The following GPHN variants were observed in gnomAD, a reference collection of about 807,000 sequenced individuals.
GPHN encodes the protein gephyrin.
GPHN carries 17 observed loss-of-function variants against 95.5 expected under a neutral mutation model. That is an observed-to-expected ratio of 0.18 (90% CI 0.12 to 0.27). The LOEUF (loss-of-function observed/expected upper bound fraction) is 0.27. Among genes scored for constraint, GPHN ranks in the 10% least tolerant of loss-of-function variants. The pLI is 1.00. For synonymous variants in GPHN, 320 were observed against 322.5 expected (o/e 0.99, Z 0.08); for missense variants, 660 against 978.1 (o/e 0.67, Z 4.34).
At chr14:67,294,856 T>A in the GPHN span, 1 of 152,108 alleles carries the variant, frequency 6.6e-6, no homozygotes, top group Admixed American at 6.5e-5. Flanking sequence ...GTACTTTTAG[T>A]AGAGATGGGG....
chr14:66,743,642 TGAGGCGGGAGAATGGCGTGGAAACGG>T (rs1383149137), intron 2 of GPHN, among the ~76,000 whole-genome samples: 2 of 152,086 alleles, frequency 1.3e-5, no homozygotes, highest in Admixed American at 1.3e-4. Flanking sequence ...CTTGGGAGGC[TGAGGCGGGAGAATGGCGTGGAAACGG>T]GAGGCGGTGC....
At chr14:67,680,806 A>G in the GPHN span, among the ~76,000 whole-genome samples, 1 of 152,226 alleles carries the variant, frequency 6.6e-6, no homozygotes. Flanking sequence ...TGGTCACAGT[A>G]TTGACATTTC....
intron 1 of GPHN, among the ~76,000 whole-genome samples, chr14:66,663,508 G>A (rs2065776102): frequency 6.6e-6 from 1 of 152,122 alleles, no homozygotes; most frequent in Non-Finnish European, 1.5e-5. Context: ...ATCGTTACCA[G>A]CCACTACAAA....
At chr14:66,844,780 A>T (rs2062248904) in intron 4 of GPHN, among the ~76,000 whole-genome samples, 1 of 152,116 alleles carries the variant, frequency 6.6e-6, no homozygotes, top group Admixed American at 6.6e-5. Flanking sequence ...CAATTCAGTG[A>T]TATTAGCACA....
the GPHN span, among the ~76,000 whole-genome samples, chr14:67,444,396 G>T: frequency 6.6e-6 from 1 of 152,204 alleles, no homozygotes; most frequent in Non-Finnish European, 1.5e-5. Flanking sequence ...TAAGTGTGAT[G>T]AAGTATGCAT....
chr14:67,124,274 T>C (rs1217025264), intron 17 of GPHN, among the ~76,000 whole-genome samples: 1 of 152,072 alleles, frequency 6.6e-6, no homozygotes, highest in East Asian at 1.9e-4. Flanking sequence ...GGGGTAGTGG[T>C]GCGCACCTGT....
chr14:66,839,098 T>C (rs1342947421), intron 4 of GPHN, among the ~76,000 whole-genome samples: 1 of 152,230 alleles, frequency 6.6e-6, no homozygotes, highest in Non-Finnish European at 1.5e-5. Flanking sequence ...TATTTATTAA[T>C]GGCACATAGA....
At chr14:67,348,359 C>A in the GPHN span, among the ~76,000 whole-genome samples, 112 of 152,172 alleles carry the variant, frequency 7.4e-4, no homozygotes, top group African/African-American at 2.6e-3. Flanking sequence ...TGTGAGCCAT[C>A]ACACCCGGCC....
At chr14:67,627,337 T>C in the GPHN span, among the ~76,000 whole-genome samples, 4,582 of 150,894 alleles carry the variant, frequency 0.03, 226 homozygotes, top group African/African-American at 0.1. Flanking sequence ...GTAGTAATTA[T>C]AGGGTGTTTA....
the GPHN span, among the ~76,000 whole-genome samples, chr14:67,606,376 T>C: frequency 6.6e-6 from 1 of 152,208 alleles, no homozygotes; most frequent in South Asian, 2.1e-4. Context: ...CCTTGTAATA[T>C]CAGGATACTT....
chr14:67,241,688 C>T, the GPHN span: 3 of 152,282 alleles, frequency 2.0e-5, no homozygotes, highest in Non-Finnish European at 4.4e-5. Flanking sequence ...AGGCGGGCTT[C>T]CTCAGGCGCG....
chr14:66,728,963 A>G (rs1285938386), intron 2 of GPHN, among the ~76,000 whole-genome samples: 1 of 152,136 alleles, frequency 6.6e-6, no homozygotes, highest in Non-Finnish European at 1.5e-5. Flanking sequence ...ATATTGTGGG[A>G]GGAACCTGGT....
the GPHN span, among the ~76,000 whole-genome samples, chr14:67,235,360 T>C: frequency 1.8e-4 from 27 of 152,154 alleles, no homozygotes; most frequent in Non-Finnish European, 4.4e-5. Flanking sequence ...CATTTGGGCT[T>C]GATCTTTCCT....
chr14:67,309,734 C>T, the GPHN span, among the ~76,000 whole-genome samples: 1 of 152,204 alleles, frequency 6.6e-6, no homozygotes, highest in South Asian at 2.1e-4. Context: ...TAATAATTAC[C>T]CAAGGAACCT....
chr14:66,687,781 G>T (rs2067491575), intron 2 of GPHN, among the ~76,000 whole-genome samples: 1 of 152,124 alleles, frequency 6.6e-6, no homozygotes. Flanking sequence ...GAGCCACTGT[G>T]CCTGGCCAAT....
intron 2 of GPHN, among the ~76,000 whole-genome samples, chr14:66,692,483 T>C (rs2067845823): frequency 6.6e-6 from 1 of 152,194 alleles, no homozygotes; most frequent in East Asian, 1.9e-4. Context: ...GTAGATTCTC[T>C]AGTAGTAGGC....
the GPHN span, among the ~76,000 whole-genome samples, chr14:67,474,914 C>CTTTTTTT: frequency 1.8e-4 from 22 of 124,930 alleles, 1 homozygote; most frequent in African/African-American, 5.6e-4. Flanking sequence ...GAATTTCCTT[C>CTTTTTTT]TTTTTTTTTT....
At chr14:67,397,262 G>A in the GPHN span, among the ~76,000 whole-genome samples, 1 of 152,124 alleles carries the variant, frequency 6.6e-6, no homozygotes, top group Non-Finnish European at 1.5e-5. Context: ...TGGTAGAGTT[G>A]AAGCCACCCC....
the GPHN span, among the ~76,000 whole-genome samples, chr14:67,458,933 G>A: frequency 6.6e-6 from 1 of 152,160 alleles, no homozygotes; most frequent in Non-Finnish European, 1.5e-5. Context: ...TGTCGCCCAG[G>A]GTGGAGTGCA....
Sources: gnomAD v4.1 joint callset for allele counts (sites outside exome capture counted in the v4.1 genomes callset) on GRCh38, gnomAD v4.1.1 for gene constraint, MANE v1.5 for transcripts, NCBI Gene and HGNC (gene_info 2026-07-23, HGNC 2026-07-21) for gene names.